The following CNTNAP2 variants were observed in gnomAD, a reference collection of about 807,000 sequenced individuals.
CNTNAP2 encodes contactin associated protein 2.
In CNTNAP2, 98 loss-of-function variants were observed where a neutral mutation model predicts 155.2. That is an observed-to-expected ratio of 0.63 (90% confidence interval 0.54 to 0.75). The LOEUF is 0.75. Among genes scored for constraint, CNTNAP2 ranks in the 30% least tolerant of loss-of-function variants. The pLI is 0.00. For synonymous variants in CNTNAP2, 651 were observed against 631.2 expected (o/e 1.03, Z -0.47); for missense variants, 1,727 against 1,688.1 (o/e 1.02, Z -0.40).
At chr7:148,398,332 T>C (rs34811601) in intron 22 of CNTNAP2, among the ~76,000 whole-genome samples, 25,662 of 152,270 alleles carry the variant, frequency 0.17, 2,454 homozygotes, top group East Asian at 0.31. Flanking sequence ...CCCATGCCTA[T>C]TGGCAGAACT....
chr7:146,205,117 T>C (rs550971754), intron 1 of CNTNAP2, among the ~76,000 whole-genome samples: 1 of 152,126 alleles, frequency 6.6e-6, no homozygotes, highest in African/African-American at 2.4e-5. Context: ...TGTCTAAATA[T>C]GAAGATATCT....
chr7:147,802,061 G>A (rs1235941251), intron 13 of CNTNAP2, among the ~76,000 whole-genome samples: 1 of 143,974 alleles, frequency 6.9e-6, no homozygotes, highest in Non-Finnish European at 1.6e-5. Flanking sequence ...TTCTCAGACG[G>A]GGCAGTTGCC....
At chr7:147,417,448 A>G (rs1797214014) in intron 10 of CNTNAP2, among the ~76,000 whole-genome samples, 1 of 152,110 alleles carries the variant, frequency 6.6e-6, no homozygotes, top group South Asian at 2.1e-4. Flanking sequence ...CATTAATCCT[A>G]TTCGTGAAAG....
chr7:146,771,679 A>G (rs1180682406), intron 1 of CNTNAP2, among the ~76,000 whole-genome samples: 2 of 152,228 alleles, frequency 1.3e-5, no homozygotes, highest in Non-Finnish European at 2.9e-5. Flanking sequence ...CAAATATTAT[A>G]TGAAGACGGA....
At chr7:148,294,038 TCAAAA>T (rs1797238119) in intron 21 of CNTNAP2, among the ~76,000 whole-genome samples, 1 of 33,142 alleles carries the variant, frequency 3.0e-5, no homozygotes. Context: ...AGGCTCCATC[TCAAAA>T]AAAAAAAAAA....
intron 12 of CNTNAP2, among the ~76,000 whole-genome samples, chr7:147,592,482 T>C (rs1393861970): frequency 6.6e-6 from 1 of 151,252 alleles, no homozygotes; most frequent in Non-Finnish European, 1.5e-5. Context: ...TTTCTGGTTT[T>C]TTTTTTTTGC....
chr7:146,480,903 C>T (rs1450822971), intron 1 of CNTNAP2, among the ~76,000 whole-genome samples: 4 of 151,948 alleles, frequency 2.6e-5, no homozygotes, highest in Non-Finnish European at 4.4e-5. Flanking sequence ...AGAATGGTCT[C>T]GATCCTGACC....
intron 2 of CNTNAP2, among the ~76,000 whole-genome samples, chr7:146,838,475 G>A (rs186910671): frequency 2.0e-5 from 3 of 152,048 alleles, no homozygotes; most frequent in East Asian, 1.9e-4. Context: ...CTGCCACCAC[G>A]CCTGGCTAAT....
intron 10 of CNTNAP2, among the ~76,000 whole-genome samples, chr7:147,396,353 T>A (rs578261496): frequency 6.6e-6 from 1 of 151,740 alleles, no homozygotes; most frequent in Non-Finnish European, 1.5e-5. Flanking sequence ...TCTCTTTCTG[T>A]CTCAATCATG....
intron 1 of CNTNAP2, among the ~76,000 whole-genome samples, chr7:146,432,480 A>G (rs572724105): frequency 9.9e-5 from 15 of 152,250 alleles, no homozygotes; most frequent in Middle Eastern, 3.4e-3. Flanking sequence ...GAAACTCTGT[A>G]AATGTAGAAA....
At chr7:147,969,858 T>G (rs574803432) in intron 14 of CNTNAP2, among the ~76,000 whole-genome samples, 1 of 152,256 alleles carries the variant, frequency 6.6e-6, no homozygotes, top group East Asian at 1.9e-4. Flanking sequence ...GGGTAAAGTC[T>G]GTCTATTTTT....
chr7:146,349,642 G>T (rs1794882107), intron 1 of CNTNAP2, among the ~76,000 whole-genome samples: 1 of 152,130 alleles, frequency 6.6e-6, no homozygotes, highest in Admixed American at 6.5e-5. Context: ...CTTCCCTAAG[G>T]AGGTCTTTTA....
intron 1 of CNTNAP2, among the ~76,000 whole-genome samples, chr7:146,275,971 G>A (rs1568937): frequency 0.04 from 6,063 of 152,248 alleles, 186 homozygotes; most frequent in Non-Finnish European, 0.06. Flanking sequence ...GGTCAAGGCC[G>A]TGGATACTAC....
rs999643898 is a variant in CNTNAP2, at chr7:147,069,239, G to A, written c.550+25185G>A. On this transcript the variant is annotated intron_variant, in intron 4 of 23. Transcript: ENST00000361727. The stretch of plus-strand genomic sequence containing the variant: ...TTTCAATGTTAGAATGGCAGGGTAG[G>A]GGGAGAGCATAAATATGCAAACTCT... Among the ~76,000 whole-genome samples, 46 of 152,172 alleles carry A rather than the reference G, an allele frequency of 3.0e-4. 1 individual carries two copies. The highest frequency in any genetic ancestry group is 5.9e-5 in the Non-Finnish European group (4 of 68,034).
intron 1 of CNTNAP2, among the ~76,000 whole-genome samples, chr7:146,724,561 CTTTTTTTT>C (rs1000613503): frequency 1.5e-5 from 1 of 65,604 alleles, no homozygotes; most frequent in African/African-American, 6.9e-5. Context: ...TAAATCTAAA[CTTTTTTTT>C]TTTTTTTTTT....
intron 1 of CNTNAP2, among the ~76,000 whole-genome samples, chr7:146,194,513 C>T (rs1380680270): frequency 1.3e-5 from 2 of 152,148 alleles, no homozygotes; most frequent in Non-Finnish European, 2.9e-5. Context: ...AGTCAATTAC[C>T]TCCCACCAGG....
intron 12 of CNTNAP2, among the ~76,000 whole-genome samples, chr7:147,586,274 T>G (rs1451725289): frequency 6.6e-6 from 1 of 151,894 alleles, no homozygotes; most frequent in Non-Finnish European, 1.5e-5. Flanking sequence ...TTAACAGGCT[T>G]AAAGAATCCA....
chr7:146,815,625 A>C (rs1186122916), intron 2 of CNTNAP2, among the ~76,000 whole-genome samples: 2 of 152,182 alleles, frequency 1.3e-5, no homozygotes, highest in Non-Finnish European at 2.9e-5. Flanking sequence ...GAGGAAACTT[A>C]TTGTATTCAC....
chr7:146,819,580 T>A (rs1339454175), intron 2 of CNTNAP2, among the ~76,000 whole-genome samples: 12 of 152,116 alleles, frequency 7.9e-5, no homozygotes, highest in Non-Finnish European at 2.9e-5. Context: ...AATCTCATCT[T>A]TCAATACCAT....
Sources: gnomAD v4.1 joint callset for allele counts (sites outside exome capture counted in the v4.1 genomes callset) on GRCh38, gnomAD v4.1.1 for gene constraint, MANE v1.5 for transcripts, NCBI Gene and HGNC (gene_info 2026-07-23, HGNC 2026-07-21) for gene names.